Variants in SLCO5A1 observed in about 807,000 individuals in gnomAD.
The protein encoded by SLCO5A1 is solute carrier organic anion transporter family member 5A1.
Under a neutral mutation model 65.1 loss-of-function variants are expected in SLCO5A1, and 39 were observed. The ratio of observed to expected loss-of-function variants is 0.60; its 90% CI spans 0.46 to 0.78. SLCO5A1 has a LOEUF of 0.78. Among genes scored for constraint, SLCO5A1 ranks in the 30% least tolerant of loss-of-function variants. The pLI is 0.00. For missense variants in SLCO5A1, 1,029 were observed against 1,069.4 expected (o/e 0.96, Z 0.53); for synonymous variants, 438 against 415.7 (o/e 1.05, Z -0.65).
At chr8:69,697,063 G>A (rs66966318) in intron 6 of SLCO5A1, among the ~76,000 whole-genome samples, 48,266 of 151,944 alleles carry the variant, frequency 0.32, 7,742 homozygotes, top group South Asian at 0.38. Context: ...ACAGGGAAAA[G>A]AGAAAATGAG....
chr8:69,783,564 A>G (rs1818893323), intron 2 of SLCO5A1, among the ~76,000 whole-genome samples: 1 of 152,054 alleles, frequency 6.6e-6, no homozygotes, highest in Non-Finnish European at 1.5e-5. Context: ...TAAAAGGATG[A>G]TGATGATGAT....
chr8:69,753,581 C>T (rs117936086), intron 4 of SLCO5A1, among the ~76,000 whole-genome samples: 5,994 of 152,258 alleles, frequency 0.039, 167 homozygotes, highest in Non-Finnish European at 0.06. Flanking sequence ...ATCTTCTCCC[C>T]GCTTTTTTCT....
At chr8:69,729,413 C>A (rs555037513) in intron 5 of SLCO5A1, among the ~76,000 whole-genome samples, 4 of 127,762 alleles carry the variant, frequency 3.1e-5, no homozygotes, top group East Asian at 4.8e-4. Flanking sequence ...CACTGCAGTC[C>A]GGCCTGGGCG....
chr8:69,832,479 A>G lies in SLCO5A1; in HGVS notation c.195T>C (p.Asp65=), dbSNP rs1302023347. 6.2e-7 allele frequency: 1 copy of G among 1,612,716 alleles called. No individual in the cohort carries two copies. The highest frequency in any genetic ancestry group is 8.5e-7 in the Non-Finnish European group (1 of 1,179,464). Residue 65 remains aspartate (D), a synonymous_variant, in exon 2 of 10, where the codon GAT becomes GAC. Transcript: ENST00000260126. This position sits in a 1 kb window ranked among gnomAD's most constrained non-coding sequence, Gnocchi z 4.5. ...GDANPAFGCV[D]SSGHQELKQG... The stretch of plus-strand genomic sequence containing the variant: ...GCTTCAACTCCTGGTGGCCCGAAGA[A>G]TCCACACAGCCAAAGGCCGGGTTGG...
chr8:69,827,595 T>A (rs1235672858), intron 2 of SLCO5A1, among the ~76,000 whole-genome samples: 1 of 152,228 alleles, frequency 6.6e-6, no homozygotes, highest in Admixed American at 6.5e-5. Context: ...ATTACTAACC[T>A]ACTACCTGAT....
chr8:69,729,446 C>CAAAAAAAAA (rs56392223), intron 5 of SLCO5A1, among the ~76,000 whole-genome samples: 10 of 80,520 alleles, frequency 1.2e-4, no homozygotes, highest in Non-Finnish European at 1.5e-4. Flanking sequence ...TCCGTCCCAA[C>CAAAAAAAAA]AAAAAAAAAA....
At chr8:69,770,187 T>G (rs1300977303) in intron 2 of SLCO5A1, among the ~76,000 whole-genome samples, 2 of 152,228 alleles carry the variant, frequency 1.3e-5, no homozygotes, top group Non-Finnish European at 2.9e-5. Context: ...ATCTTATACT[T>G]CATAGTCAAT....
chr8:69,682,777 T>C (rs1813839996), intron 6 of SLCO5A1, among the ~76,000 whole-genome samples: 1 of 152,220 alleles, frequency 6.6e-6, no homozygotes, highest in East Asian at 1.9e-4. Flanking sequence ...TGTGAGCACA[T>C]GATCACTGTT....
chr8:69,721,199 T>C (rs1815800435), intron 5 of SLCO5A1, among the ~76,000 whole-genome samples: 1 of 152,246 alleles, frequency 6.6e-6, no homozygotes, highest in Admixed American at 6.5e-5. Flanking sequence ...CTTTGGACTA[T>C]GAGGACAGGA....
chr8:69,819,096 C>A (rs1415938441), intron 2 of SLCO5A1, among the ~76,000 whole-genome samples: 1 of 152,088 alleles, frequency 6.6e-6, no homozygotes, highest in African/African-American at 2.4e-5. Context: ...AAATGGGTTA[C>A]AAGTCTTAGG....
chr8:69,697,437 C>A lies in SLCO5A1; in HGVS notation c.1622+7594G>T, dbSNP rs1039636641. ...ACACACACAGCTCTACGAACAGTGC[C>A]CAAAGAGCTCATATTTTAGACAGAG... On this transcript the variant is annotated intron_variant, in intron 6 of 9. Transcript: ENST00000260126. 8.6e-5 allele frequency among the ~76,000 whole-genome samples: 13 copies of A among 151,988 alleles called. 1 individual carries two copies. Among genetic ancestry groups the A allele is most frequent in the African/African-American group, 3.1e-4 (13 of 41,426 alleles).
At chr8:69,787,417 A>G (rs1486913764) in intron 2 of SLCO5A1, among the ~76,000 whole-genome samples, 1 of 152,208 alleles carries the variant, frequency 6.6e-6, no homozygotes, top group Non-Finnish European at 1.5e-5. Context: ...GCACCATGGT[A>G]ATGAATCAAG....
intron 3 of SLCO5A1, among the ~76,000 whole-genome samples, chr8:69,758,819 C>T (rs1297183103): frequency 6.6e-6 from 1 of 152,066 alleles, no homozygotes; most frequent in African/African-American, 2.4e-5. Context: ...ATAACAGCTA[C>T]ACTTGAAAAG....
chr8:69,753,748 C>T (rs1396067666), intron 4 of SLCO5A1, among the ~76,000 whole-genome samples: 1 of 151,964 alleles, frequency 6.6e-6, no homozygotes, highest in African/African-American at 2.4e-5. Context: ...TGGTGGCTCA[C>T]GCCTGTAATC....
At chr8:69,777,978 TGAGA>T (rs917056470) in intron 2 of SLCO5A1, among the ~76,000 whole-genome samples, 8 of 152,336 alleles carry the variant, frequency 5.3e-5, no homozygotes, top group African/African-American at 1.9e-4. Context: ...TAAGATATTT[TGAGA>T]GAGAGACCAC....
rs1821243744 is a variant in SLCO5A1 at position 69,833,000 on chromosome 8, G to A, written c.-327C>T. The A allele has an allele frequency of 6.4e-6, 2 of 312,938 alleles. No homozygotes were observed. The highest frequency in any genetic ancestry group is 2.2e-5 in the African/African-American group (1 of 44,790). The allele number at this position is 312,938 out of a possible 1,614,324, so 19.4% of individuals were successfully genotyped here. On this transcript the variant is annotated 5_prime_UTR_variant, in exon 2 of 10. Transcript: ENST00000260126. This position sits in a 1 kb window ranked among gnomAD's most constrained non-coding sequence, Gnocchi z 4.5. Reference sequence around the variant, plus strand: ...GCGTCCCGGGCTCATCCCCTCCGCCGCCGCCGCCGCCGCCGCCGCTGGGCC... The same window carrying A: ...GCGTCCCGGGCTCATCCCCTCCGCCACCGCCGCCGCCGCCGCCGCTGGGCC...
chr8:69,808,456 A>T (rs1320031740), intron 2 of SLCO5A1, among the ~76,000 whole-genome samples: 2 of 152,186 alleles, frequency 1.3e-5, no homozygotes, highest in Admixed American at 1.3e-4. Flanking sequence ...GCTAAGGATA[A>T]TGGCCTCCAG....
chr8:69,725,194 G>A (rs1266268828), intron 5 of SLCO5A1, among the ~76,000 whole-genome samples: 1 of 152,178 alleles, frequency 6.6e-6, no homozygotes, highest in African/African-American at 2.4e-5. Flanking sequence ...GTAAGGGGCA[G>A]AGGCAGATCT....
chr8:69,834,086 C>CCACACACACACACACACA (rs60625289), intron 1 of SLCO5A1: 5 of 144,338 alleles, frequency 3.5e-5, no homozygotes, highest in African/African-American at 7.8e-5. Flanking sequence ...GCGTGCGCGG[C>CCACACACACACACACACA]CACACACACA....
Sources: gnomAD v4.1 joint callset for allele counts (sites outside exome capture counted in the v4.1 genomes callset) on GRCh38, gnomAD v4.1.1 for gene constraint, Gnocchi (gnomAD v3.1) non-coding constraint, MANE v1.5 for transcripts, NCBI Gene and HGNC (gene_info 2026-07-23, HGNC 2026-07-21) for gene names.